The following KREMEN1 variants were observed in gnomAD, a reference collection of about 807,000 sequenced individuals.
KREMEN1 encodes the protein kremen protein 1.
Under a neutral mutation model 46.5 loss-of-function variants are expected in KREMEN1, and 30 were observed. That is an observed-to-expected ratio of 0.65 (90% confidence interval 0.48 to 0.88). The LOEUF (loss-of-function observed/expected upper bound fraction) is 0.88. Ranked by LOEUF, KREMEN1 falls within the 40% of genes least tolerant of loss-of-function variation. The pLI is 0.00. For missense variants in KREMEN1, 533 were observed against 596.9 expected, an observed-to-expected ratio of 0.89 and a Z score of 1.11; for synonymous variants, 214 against 230.6, an observed-to-expected ratio of 0.93 and a Z score of 0.65.
intron 5 of KREMEN1, among the ~76,000 whole-genome samples, chr22:29,128,236 C>T (rs891966819): frequency 1.3e-5 from 2 of 152,138 alleles, no homozygotes; most frequent in South Asian, 4.1e-4. Flanking sequence ...GGACAGTCAA[C>T]TTATGATTTT....
chr22:29,117,000 T>C (rs2038250262), intron 3 of KREMEN1, among the ~76,000 whole-genome samples: 1 of 152,218 alleles, frequency 6.6e-6, no homozygotes. Context: ...GAGCCACATT[T>C]GTTATATTTG....
rs1458341546 is a variant in KREMEN1, at chr22:29,095,987, A to G, written c.260+1567A>G. 1.3e-5 allele frequency among the ~76,000 whole-genome samples: 2 copies of G among 152,236 alleles called. 1 individual carries two copies. Among genetic ancestry groups the G allele is most frequent in the Non-Finnish European group, 2.9e-5 (2 of 68,038 alleles). ...CCACCAAGTCCCAAGTCCCAGAGAC[A>G]ACCAATTTGGGTATTTGCCACTTCA... On this transcript the variant is annotated intron_variant, in intron 2 of 8. Transcript: ENST00000400335.
intron 5 of KREMEN1, among the ~76,000 whole-genome samples, chr22:29,126,427 C>T (rs373509526): frequency 4.6e-5 from 7 of 152,144 alleles, no homozygotes; most frequent in Non-Finnish European, 8.8e-5. Flanking sequence ...TGGTTGTCGG[C>T]GATCCTTGGC....
intron 3 of KREMEN1, among the ~76,000 whole-genome samples, chr22:29,117,966 G>T (rs992250958): frequency 6.6e-6 from 1 of 152,140 alleles, no homozygotes; most frequent in Non-Finnish European, 1.5e-5. Context: ...AGGAAATGTG[G>T]GGTATGACTT....
At chr22:29,087,570 G>GT (rs134640) in intron 1 of KREMEN1, among the ~76,000 whole-genome samples, 139 of 148,394 alleles carry the variant, frequency 9.4e-4, no homozygotes, top group Admixed American at 2.2e-3. Context: ...TACATGTCAA[G>GT]TTTTTTTTTT....
intron 1 of KREMEN1, among the ~76,000 whole-genome samples, chr22:29,083,789 G>A (rs1184120330): frequency 6.6e-6 from 1 of 151,740 alleles, no homozygotes; most frequent in African/African-American, 2.4e-5. Context: ...CTGAGATTGC[G>A]CCACCGCACT....
intron 9 of KREMEN1, among the ~76,000 whole-genome samples, chr22:29,164,543 C>T (rs772603618): frequency 1.3e-5 from 2 of 151,974 alleles, no homozygotes; most frequent in Non-Finnish European, 2.9e-5. Context: ...GTCAGAAGTT[C>T]GAGACCAGCC....
intron 3 of KREMEN1, among the ~76,000 whole-genome samples, chr22:29,118,498 G>A (rs1338983828): frequency 6.6e-6 from 1 of 152,106 alleles, no homozygotes; most frequent in Non-Finnish European, 1.5e-5. Flanking sequence ...TAGTTCAAGG[G>A]GCTAGGAAGT....
rs368262279 is a variant in KREMEN1 at position 29,120,472 on chromosome 22, T to A, written c.353-885T>A. On this transcript the variant is annotated intron_variant, in intron 3 of 8. Coordinates refer to ENST00000400335, the MANE Select transcript of KREMEN1 (RefSeq NM_001039570.3). ...AACAGGGAGGAGGGAGACGTGATGA[T>A]GGAAACAGGGAGGAAGGAGAGGTGA... 4.0e-3 allele frequency among the ~76,000 whole-genome samples: 237 copies of A among 59,024 alleles called. 21 individuals carry two copies. The highest frequency in any genetic ancestry group is 0.016 in the African/African-American group (168 of 10,484). 38.7% of individuals were successfully genotyped at this position (59,024 alleles called of 152,430 possible).
intron 1 of KREMEN1, among the ~76,000 whole-genome samples, chr22:29,087,315 C>A (rs747310137): frequency 6.6e-6 from 1 of 151,878 alleles, no homozygotes; most frequent in African/African-American, 2.4e-5. Flanking sequence ...AGAGACTTAA[C>A]TTTGGTGGAT....
chr22:29,080,943 T>TCTTC lies in KREMEN1; in HGVS notation c.97+7716_97+7717insCTTC, dbSNP rs1556001091. 5.9e-4 allele frequency among the ~76,000 whole-genome samples: 79 copies of TCTTC among 134,518 alleles called. No homozygotes were observed. In the South Asian group the frequency reaches 0.012, roughly 20 times the overall value. 88.2% of individuals were successfully genotyped at this position (134,518 alleles called of 152,430 possible). A position where few individuals can be genotyped will look rare whatever the true frequency, so the allele number is the denominator to read the frequency against. Reference sequence around the variant, plus strand: ...CCTGATTGTATTATTTTTTTGTCCTTTTTTTTTTTTTTTTTTTTTAGCGTC... The same window carrying TCTTC: ...CCTGATTGTATTATTTTTTTGTCCTTCTTCTTTTTTTTTTTTTTTTTTTAGCGTC... On this transcript the variant is annotated intron_variant, in intron 1 of 8. Transcript: ENST00000400335.
intron 1 of KREMEN1, among the ~76,000 whole-genome samples, chr22:29,088,659 A>T (rs1279422413): frequency 6.6e-6 from 1 of 152,234 alleles, no homozygotes; most frequent in Non-Finnish European, 1.5e-5. Flanking sequence ...CATGATGCTT[A>T]TAATATTTCT....
chr22:29,098,861 G>A lies in KREMEN1; in HGVS notation c.261-1G>A. The stretch of plus-strand genomic sequence containing the variant: ...ATCAATTGTGTCCTTTTCCCCAACA[G>A]AAATCCAGATGGAGACGTGAGCCCC... On this transcript the variant is annotated splice_acceptor_variant, in intron 2 of 8. Coordinates refer to ENST00000400335, the MANE Select transcript of KREMEN1 (RefSeq NM_001039570.3). LOFTEE classifies it high-confidence loss of function. 1 of 1,612,844 alleles carries A rather than the reference G, an allele frequency of 6.2e-7. No individual in the cohort carries two copies. Among genetic ancestry groups the A allele is most frequent in the Non-Finnish European group, 8.5e-7 (1 of 1,178,840 alleles).
intron 9 of KREMEN1, among the ~76,000 whole-genome samples, chr22:29,166,095 A>G (rs132315): frequency 0.94 from 143,840 of 152,314 alleles, 68,156 homozygotes; most frequent in African/African-American, 0.99. Context: ...ACACACAGGT[A>G]CAAGCACACA....
chr22:29,159,546 G>T (rs2038992817), intron 9 of KREMEN1, among the ~76,000 whole-genome samples: 2 of 152,126 alleles, frequency 1.3e-5, no homozygotes, highest in South Asian at 2.1e-4. Context: ...ATGAACCCAG[G>T]AGACGGAGGT....
Position 29,137,511 on chromosome 22 carries a change from G to A in KREMEN1, c.801G>A (p.Ala267=), listed in dbSNP as rs35612970. The A allele has an allele frequency of 0.16, 263,340 of 1,610,998 alleles. 23,076 individuals are homozygous for A. Among genetic ancestry groups the A allele is most frequent in the Non-Finnish European group, 0.17 (204,735 of 1,177,468 alleles). ...SFPLFDIRDS[A]DMVELLDGYT... is the part of the protein sequence containing the mutation. ...CCCTATTTGACATCAGGGACTCGGC[G>A]GACATGGTGGAGCTTCTGGATGGCT... is the stretch of plus-strand genomic sequence containing the variant. Residue 267 remains alanine (A), a synonymous_variant, in exon 6 of 9, where the codon GCG becomes GCA. Transcript: ENST00000400335.
At chr22:29,120,116 GAGGGA>G (rs2038313478) in intron 3 of KREMEN1, among the ~76,000 whole-genome samples, 1 of 77,436 alleles carries the variant, frequency 1.3e-5, no homozygotes, top group African/African-American at 4.0e-5. Flanking sequence ...GGAAATGGAG[GAGGGA>G]GAGGTGATGA....
chr22:29,161,652 C>CA (rs1285342234), intron 9 of KREMEN1, among the ~76,000 whole-genome samples: 3 of 151,744 alleles, frequency 2.0e-5, no homozygotes, highest in African/African-American at 7.3e-5. Context: ...GAAACTATTC[C>CA]AAAAAATCAG....
At position 29,142,062 on chromosome 22, in the gene KREMEN1, C is replaced by T. The variant is rs1319771363; in HGVS notation, c.1327C>T (p.Leu443Phe). Residue 443 changes from leucine (L) to phenylalanine (F), a missense_variant, in exon 9 of 9, where the codon CTC becomes TTC. Coordinates refer to ENST00000400335, the MANE Select transcript of KREMEN1 (RefSeq NM_001039570.3). ...TTCAATTTCCATCTTTAAGAAGAAA[C>T]TCAAGGGTCAGAGTCAACAAGATGA... ...STSISIFKKK[L>F]KGQSQQDDRN... The T allele has an allele frequency of 3.1e-6, 5 of 1,612,928 alleles. No homozygotes were observed. In the South Asian group the frequency reaches 5.5e-5, roughly 18 times the overall value.
Sources: gnomAD v4.1 joint callset for allele counts (sites outside exome capture counted in the v4.1 genomes callset) on GRCh38, gnomAD v4.1.1 for gene constraint, MANE v1.5 for transcripts, NCBI Gene and HGNC (gene_info 2026-07-23, HGNC 2026-07-21) for gene names.